CTTNBP2: variants seen among roughly 807,000 people sequenced by gnomAD.
CTTNBP2 encodes cortactin binding protein 2, also known as cortactin-binding protein 2.
In CTTNBP2, 108 loss-of-function variants were observed where a neutral mutation model predicts 156.9. That is an observed-to-expected ratio of 0.69 (90% CI 0.59 to 0.81). The LOEUF (loss-of-function observed/expected upper bound fraction) is 0.81, where lower values mean the gene tolerates loss of function less well. CTTNBP2 is among the 30% of genes least tolerant of loss of function. The probability of loss-of-function intolerance (pLI) is 0.00; values close to 1 mark genes in which losing one functional copy is unlikely to be tolerated. For synonymous variants in CTTNBP2, 767 were observed against 751.8 expected, an observed-to-expected ratio of 1.02 and a Z score of -0.33; for missense variants, 1,924 against 2,035.4, an observed-to-expected ratio of 0.95 and a Z score of 1.05.
chr7:117,720,774 T>A (rs1794743441), intron 20 of CTTNBP2, among the ~76,000 whole-genome samples: 1 of 152,210 alleles, frequency 6.6e-6, no homozygotes, highest in African/African-American at 2.4e-5. Context: ...CACAAATGCA[T>A]AAACAAAATT....
chr7:117,827,494 C>T (rs35005310), intron 2 of CTTNBP2, among the ~76,000 whole-genome samples: 4,141 of 152,160 alleles, frequency 0.027, 214 homozygotes, highest in African/African-American at 0.095. Context: ...AAAAAATTCC[C>T]AATATTAAGC....
intron 3 of CTTNBP2, among the ~76,000 whole-genome samples, chr7:117,807,543 A>G (rs1800019693): frequency 6.6e-6 from 1 of 152,190 alleles, no homozygotes; most frequent in African/African-American, 2.4e-5. Flanking sequence ...AGAATTCTCT[A>G]CTTTATGATT....
chr7:117,720,863 A>G (rs1023716301), intron 20 of CTTNBP2, among the ~76,000 whole-genome samples: 2 of 152,228 alleles, frequency 1.3e-5, no homozygotes, highest in African/African-American at 2.4e-5. Context: ...GCATTATATT[A>G]ATCTTAACGA....
intron 8 of CTTNBP2, among the ~76,000 whole-genome samples, chr7:117,772,871 G>C (rs761969275): frequency 1.3e-5 from 2 of 152,172 alleles, no homozygotes; most frequent in Non-Finnish European, 2.9e-5. Flanking sequence ...GAGAGGTGGA[G>C]CACGACCCTG....
At chr7:117,741,013 A>G (rs570002652) in intron 14 of CTTNBP2, among the ~76,000 whole-genome samples, 2 of 152,292 alleles carry the variant, frequency 1.3e-5, no homozygotes, top group East Asian at 3.9e-4. Context: ...CCTGATGTAG[A>G]TTCTGAGAGC....
At chr7:117,869,485 A>G (rs1305490571) in intron 1 of CTTNBP2, among the ~76,000 whole-genome samples, 2 of 151,920 alleles carry the variant, frequency 1.3e-5, no homozygotes, top group Non-Finnish European at 2.9e-5. Flanking sequence ...ACTTCACACA[A>G]CTCTCCTCGG....
intron 8 of CTTNBP2, among the ~76,000 whole-genome samples, chr7:117,777,043 T>C (rs888717650): frequency 6.6e-6 from 1 of 152,248 alleles, no homozygotes; most frequent in Non-Finnish European, 1.5e-5. Context: ...TTGTGTATTC[T>C]ATCTAAGCAT....
intron 4 of CTTNBP2, among the ~76,000 whole-genome samples, chr7:117,786,213 A>T (rs970664797): frequency 6.6e-6 from 1 of 152,226 alleles, no homozygotes; most frequent in South Asian, 2.1e-4. Flanking sequence ...CTTTATAATC[A>T]ATTATTTGGG....
chr7:117,802,014 G>A (rs1033510287), intron 3 of CTTNBP2, among the ~76,000 whole-genome samples: 4 of 149,884 alleles, frequency 2.7e-5, no homozygotes, highest in Admixed American at 2.0e-4. Flanking sequence ...CCACTAACTC[G>A]TCATCTAGCC....
intron 14 of CTTNBP2, 45 bp downstream of exon 14, chr7:117,745,786 G>T (rs373535958): frequency 9.0e-6 from 11 of 1,217,450 alleles, no homozygotes; most frequent in African/African-American, 4.5e-5. Context: ...TAATTGAAGA[G>T]CATGCCTTTA....
intron 12 of CTTNBP2, among the ~76,000 whole-genome samples, chr7:117,748,036 G>C (rs187377249): frequency 2.9e-5 from 4 of 139,862 alleles, no homozygotes; most frequent in East Asian, 1.9e-4. Flanking sequence ...TTCAATAAAA[G>C]GCTTACGGTG....
At chr7:117,854,809 G>C (rs549290334) in intron 2 of CTTNBP2, among the ~76,000 whole-genome samples, 68 of 151,984 alleles carry the variant, frequency 4.5e-4, no homozygotes, top group African/African-American at 1.6e-3. Context: ...TTTTGAGACA[G>C]AGTCTCGCTC....
chr7:117,866,324 C>A (rs983618762), intron 1 of CTTNBP2, among the ~76,000 whole-genome samples: 10 of 152,044 alleles, frequency 6.6e-5, no homozygotes, highest in African/African-American at 2.4e-4. Flanking sequence ...TGGAACCAAC[C>A]AACAGTGATT....
intron 14 of CTTNBP2, among the ~76,000 whole-genome samples, chr7:117,740,792 G>A (rs1168553124): frequency 1.3e-5 from 2 of 152,134 alleles, no homozygotes; most frequent in African/African-American, 4.8e-5. Flanking sequence ...CACACCTGTC[G>A]ATGGATCCTT....
chr7:117,848,860 T>A (rs1177483603), intron 2 of CTTNBP2, among the ~76,000 whole-genome samples: 1 of 152,258 alleles, frequency 6.6e-6, no homozygotes, highest in East Asian at 1.9e-4. Context: ...TCAATTCCTA[T>A]GTGAAACCAT....
At chr7:117,783,829 C>T (rs888988734) in intron 5 of CTTNBP2, among the ~76,000 whole-genome samples, 1 of 152,178 alleles carries the variant, frequency 6.6e-6, no homozygotes, top group Non-Finnish European at 1.5e-5. Flanking sequence ...CACAACTTCT[C>T]GGTTCTTTTA....
At position 117,756,584 on chromosome 7, in the gene CTTNBP2, G is replaced by C. The variant is rs1037358547; in HGVS notation, c.3319C>G (p.Leu1107Val). 1.9e-6 allele frequency: 3 copies of C among 1,613,686 alleles called. No homozygotes were observed. Among genetic ancestry groups the C allele is most frequent in the Non-Finnish European group, 2.5e-6 (3 of 1,179,712 alleles). ...CTGAGGTAGTTCTGCATCATCTGGA[G>C]AGGGATCATGGAGGCATAAGTCACA... Reference protein sequence around the residue: ...SSVTYASMIPLQMMQNYLRLV... With the variant: ...SSVTYASMIPVQMMQNYLRLV... Residue 1107 changes from leucine to valine, a missense_variant, in exon 12 of 23, where the codon CTC (leucine) becomes GTC (valine). Coordinates refer to ENST00000160373, the MANE Select transcript of CTTNBP2 (RefSeq NM_033427.3).
intron 22 of CTTNBP2, among the ~76,000 whole-genome samples, chr7:117,717,652 T>C (rs1444719029): frequency 6.6e-6 from 1 of 151,818 alleles, no homozygotes; most frequent in Admixed American, 6.6e-5. Flanking sequence ...TGAAGGAATA[T>C]AGTGTATATA....
At chr7:117,735,196 G>A in intron 15 of CTTNBP2, 73 bp downstream of exon 15, 1 of 1,586,580 alleles carries the variant, frequency 6.3e-7, no homozygotes. Context: ...AGTATAACTG[G>A]TACTCTGGGA....
Sources: allele counts gnomAD v4.1 joint callset (sites outside exome capture counted in the v4.1 genomes callset), GRCh38; gene constraint gnomAD v4.1.1; transcripts MANE v1.5; gene names NCBI Gene and HGNC (gene_info 2026-07-23, HGNC 2026-07-21).